Variants in CMTM4 observed in about 807,000 individuals in gnomAD.
CMTM4 encodes the protein CKLF-like MARVEL transmembrane domain-containing protein 4.
A neutral mutation model predicts 19.0 loss-of-function variants in CMTM4; 8 were observed. The ratio of observed to expected loss-of-function variants is 0.42; its 90% CI spans 0.25 to 0.76. The LOEUF (loss-of-function observed/expected upper bound fraction) is 0.76. CMTM4 is among the 30% of genes least tolerant of loss of function. The pLI, the probability that CMTM4 is intolerant of heterozygous loss-of-function variation, is 0.27. For synonymous variants in CMTM4, 106 were observed against 121.1 expected, an observed-to-expected ratio of 0.88 and a Z score of 0.82; for missense variants, 228 against 290.2, an observed-to-expected ratio of 0.79 and a Z score of 1.56.
chr16:66,626,773 G>GA (rs58052690), intron 2 of CMTM4, among the ~76,000 whole-genome samples: 3,321 of 121,860 alleles, frequency 0.027, 193 homozygotes, highest in East Asian at 0.25. Flanking sequence ...CCGTCTCAAA[G>GA]AAAAAAAAAA....
At chr16:66,655,033 T>C (rs1004418815) in intron 1 of CMTM4, among the ~76,000 whole-genome samples, 5 of 152,134 alleles carry the variant, frequency 3.3e-5, no homozygotes, top group Admixed American at 1.3e-4. Context: ...TCTCACTCTG[T>C]CACCCAGGCT....
At chr16:66,645,338 G>A (rs1251219886) in intron 1 of CMTM4, among the ~76,000 whole-genome samples, 2 of 151,792 alleles carry the variant, frequency 1.3e-5, no homozygotes, top group Admixed American at 6.6e-5. Flanking sequence ...CCAGCACTTT[G>A]GGAGGCCAAG....
At chr16:66,675,031 C>A (rs1304864398) in intron 1 of CMTM4, among the ~76,000 whole-genome samples, 2 of 151,330 alleles carry the variant, frequency 1.3e-5, no homozygotes, top group Non-Finnish European at 2.9e-5. Context: ...GCGTGAGCCA[C>A]CGCACCTGCC....
intron 1 of CMTM4, among the ~76,000 whole-genome samples, chr16:66,683,149 ATATATATATACG>A (rs1369779612): frequency 7.9e-6 from 1 of 127,260 alleles, no homozygotes; most frequent in East Asian, 2.4e-4. Flanking sequence ...ATATATATGT[ATATATATATACG>A]TATATATATA....
At chr16:66,640,969 A>G (rs1046272651) in intron 1 of CMTM4, among the ~76,000 whole-genome samples, 1 of 152,152 alleles carries the variant, frequency 6.6e-6, no homozygotes, top group Non-Finnish European at 1.5e-5. Context: ...CTTGACTGCA[A>G]CCTCCTGAGA....
chr16:66,681,313 A>C (rs964880861), intron 1 of CMTM4, among the ~76,000 whole-genome samples: 26 of 151,504 alleles, frequency 1.7e-4, no homozygotes, highest in Middle Eastern at 3.4e-3. Context: ...TTTCCTATTA[A>C]ATCTTTTTTT....
chr16:66,675,506 A>T (rs555608958), intron 1 of CMTM4, among the ~76,000 whole-genome samples: 1 of 147,954 alleles, frequency 6.8e-6, no homozygotes, highest in Non-Finnish European at 1.5e-5. Context: ...AACTCCATGG[A>T]GGCAAAGACA....
intron 1 of CMTM4, among the ~76,000 whole-genome samples, chr16:66,677,571 G>A (rs143216479): frequency 1.3e-5 from 2 of 152,254 alleles, no homozygotes; most frequent in Non-Finnish European, 2.9e-5. Context: ...TGTTTCCCAC[G>A]GCCACCTCAT....
Position 66,618,360 on chromosome 16 carries a change from A to G in CMTM4, c.*3698T>C. On this transcript the variant is annotated 3_prime_UTR_variant, in exon 4 of 4. Transcript: ENST00000394106. ...TTCATGACTGTTTTGTTTTGAACAC[A>G]GATGAGACAATAGGAACCCTTAAAT... 1 of 985,494 alleles carries G rather than the reference A, an allele frequency of 1.0e-6. No homozygotes were observed. Among genetic ancestry groups the G allele is most frequent in the Non-Finnish European group, 1.2e-6 (1 of 829,958 alleles). 61.0% of individuals were successfully genotyped at this position (985,494 alleles called of 1,614,324 possible). A position where few individuals can be genotyped will look rare whatever the true frequency, so the allele number is the denominator to read the frequency against.
At chr16:66,674,216 GA>G (rs1193548297) in intron 1 of CMTM4, among the ~76,000 whole-genome samples, 1 of 152,214 alleles carries the variant, frequency 6.6e-6, no homozygotes, top group Non-Finnish European at 1.5e-5. Context: ...CAGATAGATG[GA>G]AAAGCTGAGT....
At chr16:66,609,128 G>A in the CMTM4 span, among the ~76,000 whole-genome samples, 2 of 145,378 alleles carry the variant, frequency 1.4e-5, no homozygotes, top group African/African-American at 4.9e-5. The surrounding 1 kb of genome is among the most constrained non-coding windows in gnomAD (Gnocchi z 4.4). Flanking sequence ...GGAGCAGGTG[G>A]GGGTGTTTCC....
chr16:66,600,225 C>T, the CMTM4 span, among the ~76,000 whole-genome samples: 1 of 150,950 alleles, frequency 6.6e-6, no homozygotes, highest in Non-Finnish European at 1.5e-5. Context: ...TCACTGCAAC[C>T]TCAGCCTCCC....
chr16:66,607,946 G>A, the CMTM4 span, among the ~76,000 whole-genome samples: 7 of 151,940 alleles, frequency 4.6e-5, no homozygotes, highest in African/African-American at 1.7e-4. Context: ...CCCGGGCTCA[G>A]GTGATCCTCC....
At chr16:66,634,295 C>G (rs2144807416) in intron 2 of CMTM4, among the ~76,000 whole-genome samples, 1 of 152,046 alleles carries the variant, frequency 6.6e-6, no homozygotes, top group Non-Finnish European at 1.5e-5. Context: ...CAAAAATTAG[C>G]TGGGCATGGT....
At chr16:66,626,299 G>A (rs1314457279) in intron 2 of CMTM4, among the ~76,000 whole-genome samples, 1 of 151,980 alleles carries the variant, frequency 6.6e-6, no homozygotes, top group Non-Finnish European at 1.5e-5. Context: ...GCTGGACCCC[G>A]TCTCTACTAA....
At chr16:66,694,071 C>T (rs72790500) in intron 1 of CMTM4, among the ~76,000 whole-genome samples, 3 of 150,230 alleles carry the variant, frequency 2.0e-5, no homozygotes, top group South Asian at 4.2e-4. Flanking sequence ...AGGGAGAGAG[C>T]GCGAGGGAGA....
At chr16:66,611,736 A>G (rs2015384514), downstream of CMTM4, among the ~76,000 whole-genome samples, 1 of 152,146 alleles carries the variant, frequency 6.6e-6, no homozygotes, top group South Asian at 2.1e-4. Context: ...AAGGCTCTAC[A>G]GAGCTCCGAG....
chr16:66,618,486 G>A lies in CMTM4; in HGVS notation c.*3572C>T. On this transcript the variant is annotated 3_prime_UTR_variant, in exon 4 of 4. Transcript: ENST00000394106. ...CCCACAGAAAATCTGGCACAGAAAG[G>A]GATTAGACCTCAGTCCACCTCTCAG... 1.0e-6 allele frequency: 1 copy of A among 985,448 alleles called. No homozygotes were observed. 61.0% of individuals were successfully genotyped at this position (985,448 alleles called of 1,614,324 possible). A position where few individuals can be genotyped will look rare whatever the true frequency, so the allele number is the denominator to read the frequency against.
chr16:66,650,385 G>A (rs540284560), intron 1 of CMTM4, among the ~76,000 whole-genome samples: 2 of 152,224 alleles, frequency 1.3e-5, no homozygotes, highest in East Asian at 1.9e-4. Flanking sequence ...ACCATCGTTC[G>A]GGTTTATACA....
Sources: gnomAD v4.1 joint callset for allele counts (sites outside exome capture counted in the v4.1 genomes callset) on GRCh38, gnomAD v4.1.1 for gene constraint, Gnocchi (gnomAD v3.1) non-coding constraint, MANE v1.5 for transcripts, NCBI Gene and HGNC (gene_info 2026-07-23, HGNC 2026-07-21) for gene names.